HMGB1: variants seen among roughly 807,000 people sequenced by gnomAD.
HMGB1 encodes the protein high mobility group protein B1.
For synonymous variants in HMGB1, 81 were observed against 84.0 expected (o/e 0.96, Z 0.19); for missense variants, 79 against 253.5 (o/e 0.31, Z 4.67).
intron 1 of HMGB1, among the ~76,000 whole-genome samples, chr13:30,568,200 G>A (rs1463882842): frequency 1.3e-5 from 2 of 152,142 alleles, no homozygotes; most frequent in African/African-American, 4.8e-5. Context: ...GGAAACTGTG[G>A]ATGTAACCTT....
intron 1 of HMGB1, among the ~76,000 whole-genome samples, chr13:30,515,197 C>T (rs925970931): frequency 6.6e-6 from 1 of 152,142 alleles, no homozygotes; most frequent in African/African-American, 2.4e-5. Flanking sequence ...ACAGCAGTGC[C>T]CTACTATGGA....
chr13:30,480,218 G>C (rs1384807043), intron 1 of HMGB1, among the ~76,000 whole-genome samples: 1 of 152,178 alleles, frequency 6.6e-6, no homozygotes, highest in African/African-American at 2.4e-5. Flanking sequence ...GTATTGCCTT[G>C]TGTGGAATAT....
intron 1 of HMGB1, among the ~76,000 whole-genome samples, chr13:30,529,839 C>T (rs1888455659): frequency 6.6e-6 from 1 of 152,204 alleles, no homozygotes; most frequent in Non-Finnish European, 1.5e-5. Flanking sequence ...TCTTCTCTCT[C>T]TGCTTTTCCT....
chr13:30,542,091 T>C (rs2137502854), intron 1 of HMGB1: 1 of 153,884 alleles, frequency 6.5e-6, no homozygotes, highest in South Asian at 2.1e-4. Flanking sequence ...ACTCTCCTCT[T>C]GGTGTTGAGC....
intron 1 of HMGB1, among the ~76,000 whole-genome samples, chr13:30,487,627 T>C (rs1212173654): frequency 1.3e-5 from 2 of 152,220 alleles, no homozygotes; most frequent in Non-Finnish European, 1.5e-5. Flanking sequence ...CCCCTTACCA[T>C]TTCCTCCCCT....
chr13:30,468,070 CA>C (rs1886840338), upstream of HMGB1, among the ~76,000 whole-genome samples: 1 of 152,188 alleles, frequency 6.6e-6, no homozygotes, highest in Non-Finnish European at 1.5e-5. Flanking sequence ...TCAATTCTCT[CA>C]GCTATAAAAT....
At chr13:30,589,689 C>T (rs1258586568) in intron 1 of HMGB1, among the ~76,000 whole-genome samples, 1 of 151,858 alleles carries the variant, frequency 6.6e-6, no homozygotes, top group Non-Finnish European at 1.5e-5. Flanking sequence ...GCCAACACAG[C>T]GAAACCCCAT....
chr13:30,464,084 G>C (rs55832802), intron 1 of HMGB1: 69 of 985,082 alleles, frequency 7.0e-5, no homozygotes, highest in Non-Finnish European at 8.0e-5. Flanking sequence ...TCGTGGCTTT[G>C]CACTAGATAG....
chr13:30,538,527 TCTTTCTTTC>T (rs1281749991), intron 1 of HMGB1, among the ~76,000 whole-genome samples: 22 of 140,488 alleles, frequency 1.6e-4, no homozygotes, highest in African/African-American at 6.6e-4. Flanking sequence ...TTCTTTCCTT[TCTTTCTTTC>T]CTTTCTTTCT....
At chr13:30,465,196 C>T (rs1886691688) in intron 1 of HMGB1, 21 of 790,088 alleles carry the variant, frequency 2.7e-5, no homozygotes, top group Admixed American at 1.3e-4. Flanking sequence ...GCCGCCCGGC[C>T]GCCGCCGCCG....
At chr13:30,564,278 CAA>C (rs60208654) in intron 1 of HMGB1, among the ~76,000 whole-genome samples, 6,640 of 105,734 alleles carry the variant, frequency 0.063, 364 homozygotes, top group East Asian at 0.39. Context: ...ACTAAAAATG[CAA>C]AAAAAAAAAA....
chr13:30,458,393 A>AATC lies in HMGB1; in HGVS notation c.*2961_*2963dup, dbSNP rs991362201. 2 of 146,562 alleles carry AATC rather than the reference A, an allele frequency of 1.4e-5. No homozygotes were observed. The highest frequency in any genetic ancestry group is 5.2e-5 in the African/African-American group (2 of 38,684). The allele number at this position is 146,562 out of a possible 1,614,324, so 9.1% of individuals were successfully genotyped here. On this transcript the variant is annotated 3_prime_UTR_variant, in exon 5 of 5. Coordinates refer to ENST00000341423, the MANE Select transcript of HMGB1 (RefSeq NM_002128.7). ...CACCCAGGCTGGAGTGCAGTGGCAC[A>AATC]ATCTCGGCTCACTGCAACCTCCGCC...
At chr13:30,525,297 T>C (rs1454457421) in intron 1 of HMGB1, among the ~76,000 whole-genome samples, 3 of 152,216 alleles carry the variant, frequency 2.0e-5, no homozygotes, top group Non-Finnish European at 1.5e-5. Context: ...TTGTTGTTAT[T>C]TAGAAATGGC....
At chr13:30,579,936 C>T (rs1870830386) in intron 1 of HMGB1, among the ~76,000 whole-genome samples, 1 of 152,150 alleles carries the variant, frequency 6.6e-6, no homozygotes, top group South Asian at 2.1e-4. Flanking sequence ...TTTACAAAGT[C>T]ATGTTCATCT....
chr13:30,482,893 T>C lies in HMGB1; in HGVS notation c.-14-19199A>G, dbSNP rs560430099. On this transcript the variant is annotated intron_variant, in intron 1 of 4. Transcript: ENST00000405805. Reference sequence around the variant, plus strand: ...GCCTTGACCTCCCGGGCTCAAGCCATCCTCATGCCTCAGCCTCCTGGGTAT... The same window carrying C: ...GCCTTGACCTCCCGGGCTCAAGCCACCCTCATGCCTCAGCCTCCTGGGTAT... Among the ~76,000 whole-genome samples the C allele has an allele frequency of 4.0e-5, 6 of 151,860 alleles. No individual in the cohort carries two copies. In the South Asian group the frequency reaches 1.2e-3, roughly 32 times the overall value.
At chr13:30,594,308 T>C (rs538576307) in intron 1 of HMGB1, among the ~76,000 whole-genome samples, 1 of 152,328 alleles carries the variant, frequency 6.6e-6, no homozygotes, top group African/African-American at 2.4e-5. Flanking sequence ...ACCTCTAATG[T>C]TCCTGTTGCC....
chr13:30,612,991 A>G (rs1950526821), intron 1 of HMGB1, among the ~76,000 whole-genome samples: 1 of 152,222 alleles, frequency 6.6e-6, no homozygotes, highest in African/African-American at 2.4e-5. Context: ...AAAGCCCTGG[A>G]TTAGAAATGA....
At chr13:30,561,542 G>T (rs1265120033) in intron 1 of HMGB1, among the ~76,000 whole-genome samples, 1 of 152,148 alleles carries the variant, frequency 6.6e-6, no homozygotes, top group African/African-American at 2.4e-5. Context: ...TGGTGACAAA[G>T]AAAGACCCTG....
chr13:30,465,488 T>C (rs1482647928), intron 1 of HMGB1, among the ~76,000 whole-genome samples: 1 of 148,794 alleles, frequency 6.7e-6, no homozygotes, highest in African/African-American at 2.4e-5. Flanking sequence ...ACGTTCAAAA[T>C]TTTTTTAATT....
Sources: gnomAD v4.1 joint callset for allele counts (sites outside exome capture counted in the v4.1 genomes callset) on GRCh38, gnomAD v4.1.1 for gene constraint, MANE v1.5 for transcripts, NCBI Gene and HGNC (gene_info 2026-07-23, HGNC 2026-07-21) for gene names.